The following HADHB variants were observed in gnomAD, a reference collection of about 807,000 sequenced individuals.
HADHB encodes trifunctional enzyme subunit beta, mitochondrial.
A neutral mutation model predicts 61.9 loss-of-function variants in HADHB; 50 were observed. That is an observed-to-expected ratio of 0.81 (90% CI 0.64 to 1.02). The LOEUF is 1.02. Among genes scored for constraint, HADHB ranks in the 50% least tolerant of loss-of-function variants. The pLI, the probability that HADHB is intolerant of heterozygous loss-of-function variation, is 0.00. For synonymous variants in HADHB, 191 were observed against 201.6 expected (o/e 0.95, Z 0.45); for missense variants, 504 against 586.5 (o/e 0.86, Z 1.45).
rs756686979 is a variant in HADHB at position 26,279,964 on chromosome 2, T to C, written c.812-30T>C. 3 of 1,552,272 alleles carry C rather than the reference T, an allele frequency of 1.9e-6. No individual in the cohort carries two copies. The African/African-American group carries it at 4.1e-5, about 21-fold the overall frequency. ...AAGATATATAAGGCTTGTGGTTCCA[T>C]AGAGTTAAAAAAATTCATTTTTTTA... On this transcript the variant is annotated intron_variant, in intron 9 of 15. Transcript: ENST00000317799.
In HADHB at chr2:26,254,599, C is replaced by G. The variant is rs545287858; in HGVS notation, c.109+125C>G. On this transcript the variant is annotated intron_variant, in intron 3 of 15. Coordinates refer to ENST00000317799, the MANE Select transcript of HADHB (RefSeq NM_000183.3). ...TCTCCCCTTTTTATGAGCACATGAA[C>G]ATCTCTGTTGCCTTCAAATTAAAAA... 18 of 705,364 alleles carry G rather than the reference C, an allele frequency of 2.6e-5. No homozygotes were observed. In the South Asian group the frequency reaches 2.6e-4, roughly 10 times the overall value. 43.7% of individuals were successfully genotyped at this position (705,364 alleles called of 1,614,324 possible). A position where few individuals can be genotyped will look rare whatever the true frequency, so the allele number is the denominator to read the frequency against.
intron 6 of HADHB, among the ~76,000 whole-genome samples, chr2:26,274,647 C>T (rs960156658): frequency 1.3e-5 from 2 of 152,172 alleles, no homozygotes; most frequent in African/African-American, 2.4e-5. Context: ...TATTTCCCTT[C>T]TGAAATTTTT....
chr2:26,286,044 C>T (rs1411860610), intron 15 of HADHB, among the ~76,000 whole-genome samples: 1 of 151,714 alleles, frequency 6.6e-6, no homozygotes, highest in Non-Finnish European at 1.5e-5. Context: ...TGCCATAATT[C>T]TGATAATTCT....
At chr2:26,273,264 T>C (rs1672418499) in intron 5 of HADHB, among the ~76,000 whole-genome samples, 1 of 149,492 alleles carries the variant, frequency 6.7e-6, no homozygotes, top group Non-Finnish European at 1.5e-5. Context: ...TTTTTTTTAA[T>C]TTTTTTTAAT....
chr2:26,265,934 C>G (rs1672057217), intron 4 of HADHB, among the ~76,000 whole-genome samples: 1 of 152,062 alleles, frequency 6.6e-6, no homozygotes, highest in African/African-American at 2.4e-5. Flanking sequence ...GGTGCAGTGG[C>G]TCACACCTAT....
chr2:26,282,164 A>G (rs1672817336), intron 10 of HADHB, among the ~76,000 whole-genome samples: 1 of 150,814 alleles, frequency 6.6e-6, no homozygotes, highest in Non-Finnish European at 1.5e-5. Context: ...TAAATAAGAG[A>G]TATGTTTATT....
chr2:26,281,782 T>G (rs185897626), intron 10 of HADHB, among the ~76,000 whole-genome samples: 3 of 152,178 alleles, frequency 2.0e-5, no homozygotes, highest in African/African-American at 7.2e-5. Context: ...GACACCCTAT[T>G]GGTGGCTACA....
chr2:26,284,033 A>C (rs1339062648), intron 12 of HADHB, 84 bp from the exon 13 acceptor site: 8 of 769,190 alleles, frequency 1.0e-5, no homozygotes, highest in Admixed American at 1.8e-5. Context: ...TAGAGTACCT[A>C]TGTAAAACTC....
At chr2:26,280,205 A>G (rs1408381563) in intron 10 of HADHB, 90 bp downstream of exon 10, 1 of 1,004,476 alleles carries the variant, frequency 1.0e-6, no homozygotes, top group East Asian at 2.4e-5. Context: ...TGTGTGTGTT[A>G]TGAATAGAGG....
intron 1 of HADHB, among the ~76,000 whole-genome samples, chr2:26,251,784 A>C (rs921420768): frequency 4.6e-5 from 7 of 152,220 alleles, no homozygotes; most frequent in African/African-American, 1.7e-4. Flanking sequence ...CGGAAGCTAT[A>C]GGACCTCCTT....
At chr2:26,258,331 G>A (rs1210398964) in intron 3 of HADHB, among the ~76,000 whole-genome samples, 1 of 152,196 alleles carries the variant, frequency 6.6e-6, no homozygotes, top group Non-Finnish European at 1.5e-5. Flanking sequence ...TGGATTCCAA[G>A]GAATGGAACC....
chr2:26,288,096 G>A (rs1403657332), intron 15 of HADHB, among the ~76,000 whole-genome samples: 4 of 151,672 alleles, frequency 2.6e-5, no homozygotes, highest in South Asian at 2.1e-4. Context: ...GCAAAACCTC[G>A]TCTCTACCAA....
intron 15 of HADHB, among the ~76,000 whole-genome samples, chr2:26,288,729 G>A (rs1414517230): frequency 6.6e-6 from 1 of 151,962 alleles, no homozygotes; most frequent in Non-Finnish European, 1.5e-5. Flanking sequence ...GAAAAACCAA[G>A]TACTTAACAG....
intron 10 of HADHB, among the ~76,000 whole-genome samples, chr2:26,280,966 C>T (rs1361345240): frequency 6.7e-6 from 1 of 150,204 alleles, no homozygotes; most frequent in Admixed American, 6.6e-5. Context: ...TAGGTTGGAG[C>T]ATAAGGTATG....
In HADHB at chr2:26,273,768, T is replaced by A; in HGVS notation, c.354+18T>A. On this transcript the variant is annotated intron_variant, in intron 6 of 15. Coordinates refer to ENST00000317799, the MANE Select transcript of HADHB (RefSeq NM_000183.3). ...CTAGAGAGGTGAGTAAAACAAACTT[T>A]ATGTTGTTTAAAGAGTGATAGGAGA... 1 of 1,229,162 alleles carries A rather than the reference T, an allele frequency of 8.1e-7. No individual in the cohort carries two copies. Among genetic ancestry groups the A allele is most frequent in the Non-Finnish European group, 1.2e-6 (1 of 828,350 alleles). 76.1% of individuals were successfully genotyped at this position (1,229,162 alleles called of 1,614,324 possible). A position where few individuals can be genotyped will look rare whatever the true frequency, so the allele number is the denominator to read the frequency against.
chr2:26,262,872 A>G (rs1305038043), intron 3 of HADHB, among the ~76,000 whole-genome samples: 1 of 152,208 alleles, frequency 6.6e-6, no homozygotes, highest in African/African-American at 2.4e-5. Context: ...GTTTATCTTA[A>G]ATATTATTTA....
At position 26,289,976 on chromosome 2, in the gene HADHB, A is replaced by G. The variant is rs1210813941; in HGVS notation, c.*23A>G. 6.4e-7 allele frequency: 1 copy of G among 1,553,044 alleles called. No homozygotes were observed. The highest frequency in any genetic ancestry group is 1.1e-5 in the South Asian group (1 of 89,854). The stretch of plus-strand genomic sequence containing the variant: ...TAATAGATCCAGAAGAAGTGACCTG[A>G]AGTTTCTGTGCAACACTCACACTAG... On this transcript the variant is annotated 3_prime_UTR_variant, in exon 16 of 16. Coordinates refer to ENST00000317799, the MANE Select transcript of HADHB (RefSeq NM_000183.3).
intron 14 of HADHB, among the ~76,000 whole-genome samples, 178 bp downstream of exon 14, chr2:26,285,135 ATATT>A (rs2147832556): frequency 6.6e-6 from 1 of 152,304 alleles, no homozygotes; most frequent in African/African-American, 2.4e-5. Context: ...TTCATTAAAT[ATATT>A]TATTTCTTAG....
chr2:26,258,144 G>C (rs1048385304), intron 3 of HADHB, among the ~76,000 whole-genome samples: 4 of 152,216 alleles, frequency 2.6e-5, no homozygotes, highest in Admixed American at 2.6e-4. Context: ...CCGAAACGGA[G>C]GCTGTGCTAG....
Sources: gnomAD v4.1 joint callset for allele counts (sites outside exome capture counted in the v4.1 genomes callset) on GRCh38, gnomAD v4.1.1 for gene constraint, MANE v1.5 for transcripts, NCBI Gene and HGNC (gene_info 2026-07-23, HGNC 2026-07-21) for gene names.